Variants in BIRC6 observed in about 807,000 individuals in gnomAD.
BIRC6 encodes the protein baculoviral IAP repeat containing 6, also known as dual E2 ubiquitin-conjugating enzyme/E3 ubiquitin-protein ligase BIRC6.
In BIRC6, 98 loss-of-function variants were observed where a neutral mutation model predicts 503.3. The ratio of observed to expected loss-of-function variants is 0.19; its 90% CI spans 0.17 to 0.23. The LOEUF (loss-of-function observed/expected upper bound fraction) is 0.23. BIRC6 is among the 10% of genes least tolerant of loss of function. BIRC6 has a pLI of 1.00. For missense variants in BIRC6, 5,360 were observed against 5,806.0 expected, an observed-to-expected ratio of 0.92 and a Z score of 2.50; for synonymous variants, 2,240 against 2,078.7, an observed-to-expected ratio of 1.08 and a Z score of -2.11.
intron 5 of BIRC6, 113 bp from the exon 6 acceptor site, chr2:32,395,398 A>G (rs899159648): frequency 3.9e-6 from 3 of 777,278 alleles, no homozygotes; most frequent in Non-Finnish European, 4.0e-6. Flanking sequence ...TAATTTTCTT[A>G]TTTTCAGTAT....
At chr2:32,510,739 C>G (rs1288601695) in intron 53 of BIRC6, 105 bp downstream of exon 53, 2 of 768,430 alleles carry the variant, frequency 2.6e-6, no homozygotes, top group Non-Finnish European at 4.4e-6. Flanking sequence ...AAAGACAATA[C>G]TGTGATATAT....
chr2:32,452,315 T>C (rs1207250256), intron 22 of BIRC6, among the ~76,000 whole-genome samples: 1 of 152,124 alleles, frequency 6.6e-6, no homozygotes, highest in East Asian at 1.9e-4. Flanking sequence ...ATTTTTTTCT[T>C]CAGAAAACAG....
chr2:32,582,419 A>AAT (rs2060736348), intron 66 of BIRC6, among the ~76,000 whole-genome samples: 2 of 152,076 alleles, frequency 1.3e-5, no homozygotes, highest in Admixed American at 1.3e-4. Context: ...AGGTAGAACC[A>AAT]ATATTGCAGC....
In BIRC6 at chr2:32,415,813, A is replaced by C. The variant is rs756272337; in HGVS notation, c.2522A>C (p.Glu841Ala). 3.1e-6 allele frequency: 5 copies of C among 1,613,836 alleles called. No homozygotes were observed. The South Asian group carries it at 5.5e-5, about 18-fold the overall frequency. ...GCCACTCGGATAGTGACTTTAGAAG[A>C]GGAGCCAATAAAAATACAACATATC... is the stretch of plus-strand genomic sequence containing the variant. ...NYATRIVTLEEEPIKIQHIKD... is the reference protein window; with the variant it reads ...NYATRIVTLEAEPIKIQHIKD... Residue 841 changes from glutamate to alanine, a missense_variant, in exon 10 of 74, where the codon GAG becomes GCG. Glu to Ala is a moderately radical substitution (Grantham distance 107). Transcript: ENST00000421745.
Position 32,441,407 on chromosome 2 carries a change from C to G in BIRC6, c.3889C>G (p.Gln1297Glu), listed in dbSNP as rs370410054. The G allele has an allele frequency of 3.1e-6, 5 of 1,610,774 alleles. No individual in the cohort carries two copies. The highest frequency in any genetic ancestry group is 4.2e-6 in the Non-Finnish European group (5 of 1,177,616). The change falls in exon 17 of 74, where the codon CAA becomes GAA. Residue 1297 changes from glutamine (Q) to glutamate (E), a missense_variant. Physicochemically the swap from Gln to Glu is conservative, Grantham distance 29 (BLOSUM62 2). This residue lies in a region of BIRC6 where 2,299 missense variants were observed against 2,267.2 expected (regional missense o/e 1.01). Transcript: ENST00000421745. ...AAACCTCCGGGGCTGTGATTTACTT[C>G]AAGAGGTCTCAGTCACCATTCGAAG... ...SENLRGCDLL[Q>E]EVSVTIRRFK... is the part of the protein sequence containing the mutation.
At chr2:32,374,689 G>C (rs1227236140) in intron 1 of BIRC6, among the ~76,000 whole-genome samples, 2 of 151,862 alleles carry the variant, frequency 1.3e-5, no homozygotes, top group African/African-American at 4.8e-5. Context: ...AGCCAGGATG[G>C]TCTCGATCTC....
rs1401140390 is a variant in BIRC6, at chr2:32,357,194, G to T, written c.33G>T (p.Gly11=). The part of the protein sequence containing the change: MVTGGGAAPP[G]TVTEPLPSVI... The stretch of plus-strand genomic sequence containing the variant: ...CTGGTGGTGGTGCTGCACCTCCCGG[G>T]ACTGTCACTGAGCCGCTTCCCAGTG... The change falls in exon 1 of 74, where the codon GGG becomes GGT. Residue 11 remains glycine (G), a synonymous_variant. Transcript: ENST00000421745. The surrounding 1 kb of genome is among the most constrained non-coding windows in gnomAD (Gnocchi z 4.9). 19 of 1,539,294 alleles carry T rather than the reference G, an allele frequency of 1.2e-5. No individual in the cohort carries two copies. In the Middle Eastern group the frequency reaches 1.5e-3, roughly 125 times the overall value.
chr2:32,374,764 G>A (rs1050803042), intron 1 of BIRC6, among the ~76,000 whole-genome samples: 6 of 152,026 alleles, frequency 3.9e-5, no homozygotes, highest in African/African-American at 9.7e-5. Flanking sequence ...GAGCCACCGC[G>A]CCCGGCAATT....
intron 13 of BIRC6, among the ~76,000 whole-genome samples, chr2:32,434,129 T>C (rs1416605821): frequency 1.3e-5 from 2 of 152,228 alleles, no homozygotes; most frequent in African/African-American, 4.8e-5. Flanking sequence ...TAATTGTGAA[T>C]AGAACTGTTA....
rs373887626 is a variant in BIRC6, at chr2:32,515,376, G to A, written c.10955G>A (p.Ser3652Asn). 143 of 1,613,578 alleles carry A rather than the reference G, an allele frequency of 8.9e-5. 1 individual carries two copies. In the Middle Eastern group the frequency reaches 1.6e-3, roughly 19 times the overall value. The part of the protein sequence containing the change: ...FCFSHISSSE[S>N]IAQSIDISQD... ...TTTAGCCACATTTCTAGCTCAGAAA[G>A]CATTGCCCAGTCAATAGATATTTCC... is the stretch of plus-strand genomic sequence containing the variant. The change falls in exon 55 of 74, where the codon AGC becomes AAC. Residue 3652 changes from serine (S) to asparagine (N), a missense_variant. This residue lies in a region of BIRC6 where 878 missense variants were observed against 928.9 expected (regional missense o/e 0.95). Transcript: ENST00000421745.
chr2:32,519,406 T>A (rs1382527917), intron 57 of BIRC6, among the ~76,000 whole-genome samples: 1 of 152,224 alleles, frequency 6.6e-6, no homozygotes, highest in African/African-American at 2.4e-5. Context: ...CAGAACATTT[T>A]CCCCTAGGTT....
chr2:32,379,987 C>T (rs1467406735), intron 2 of BIRC6, among the ~76,000 whole-genome samples, 166 bp from the exon 3 acceptor site: 4 of 152,062 alleles, frequency 2.6e-5, no homozygotes, highest in African/African-American at 9.7e-5. Flanking sequence ...TATAATAGCC[C>T]TTTAAATTAT....
chr2:32,515,360 A>G lies in BIRC6; in HGVS notation c.10939A>G (p.Ile3647Val), dbSNP rs538584693. The G allele has an allele frequency of 3.1e-6, 5 of 1,613,614 alleles. No homozygotes were observed. The highest frequency in any genetic ancestry group is 4.2e-6 in the Non-Finnish European group (5 of 1,179,888). ...RSLASFCFSH[I>V]SSSESIAQSI... ...TCTGGCTAGTTTCTGCTTTAGCCAC[A>G]TTTCTAGCTCAGAAAGCATTGCCCA... The change falls in exon 55 of 74, where the codon ATT becomes GTT. Residue 3647 changes from isoleucine to valine, a missense_variant. Physicochemically the swap from Ile to Val is conservative, Grantham distance 29. Transcript: ENST00000421745.
intron 1 of BIRC6, among the ~76,000 whole-genome samples, chr2:32,361,658 C>G (rs1289673203): frequency 6.6e-6 from 1 of 152,156 alleles, no homozygotes; most frequent in African/African-American, 2.4e-5. Flanking sequence ...CTAAAGATCC[C>G]CTGCTCTGCC....
intron 8 of BIRC6, among the ~76,000 whole-genome samples, chr2:32,404,337 TGA>T (rs1019827173): frequency 1.3e-5 from 2 of 151,924 alleles, no homozygotes; most frequent in African/African-American, 2.4e-5. Flanking sequence ...TCTTTTTTTT[TGA>T]GAGAGTCTTG....
In BIRC6 at chr2:32,377,170, T is replaced by C. The variant is rs141248042; in HGVS notation, c.326-418T>C. 5.5e-3 allele frequency among the ~76,000 whole-genome samples: 842 copies of C among 152,144 alleles called. 11 individuals are homozygous for C. Among genetic ancestry groups the C allele is most frequent in the African/African-American group, 0.019 (795 of 41,512 alleles). On this transcript the variant is annotated intron_variant, in intron 1 of 73. Transcript: ENST00000421745. The stretch of plus-strand genomic sequence containing the variant: ...ATACCCTTTACCCAGCTCTACTAGT[T>C]TTAAACATTTTACTACATTTGCTTA...
At chr2:32,589,167 A>T (rs926602771) in intron 66 of BIRC6, among the ~76,000 whole-genome samples, 8 of 152,212 alleles carry the variant, frequency 5.3e-5, no homozygotes, top group African/African-American at 1.9e-4. Context: ...TGAATAAAAA[A>T]ATCTTATTTG....
At position 32,509,862 on chromosome 2, in the gene BIRC6, C is replaced by T; in HGVS notation, c.10105C>T (p.Pro3369Ser). Reference protein sequence around the residue: ...LQTCAALLMSPYCGMHSPNIE... With the variant: ...LQTCAALLMSSYCGMHSPNIE... ...GACTTGTGCGGCCTTATTGATGTCA[C>T]CTTACTGTGGAATGCATTCACCCAA... Residue 3369 changes from proline (P) to serine (S), a missense_variant, in exon 52 of 74, where the codon CCT (proline) becomes TCT (serine). Transcript: ENST00000421745. The T allele has an allele frequency of 6.2e-7, 1 of 1,613,956 alleles. No homozygotes were observed. Among genetic ancestry groups the T allele is most frequent in the Non-Finnish European group, 8.5e-7 (1 of 1,179,880 alleles).
At chr2:32,476,625 C>T (rs1321582941) in intron 34 of BIRC6, among the ~76,000 whole-genome samples, 1 of 152,066 alleles carries the variant, frequency 6.6e-6, no homozygotes, top group Non-Finnish European at 1.5e-5. Context: ...ATTGATAGAG[C>T]AGTTTATTTC....
Sources: gnomAD v4.1 joint callset for allele counts (sites outside exome capture counted in the v4.1 genomes callset) on GRCh38, gnomAD v4.1.1 for gene constraint, gnomAD v4.1.1 regional missense constraint, Gnocchi (gnomAD v3.1) non-coding constraint, MANE v1.5 for transcripts, NCBI Gene and HGNC (gene_info 2026-07-23, HGNC 2026-07-21) for gene names.